GRIA1: variants seen among roughly 807,000 people sequenced by gnomAD.
GRIA1 encodes the protein glutamate ionotropic receptor AMPA type subunit 1, also known as glutamate receptor 1.
In GRIA1, 31 loss-of-function variants were observed where a neutral mutation model predicts 99.2. The observed-to-expected ratio is 0.31, with a 90% confidence interval of 0.23 to 0.42. GRIA1 has a LOEUF of 0.42. Ranked by LOEUF, GRIA1 falls within the 10% of genes least tolerant of loss-of-function variation. The pLI is 1.00. For missense variants in GRIA1, 782 were observed against 1,157.5 expected (o/e 0.68, Z 4.71); for synonymous variants, 438 against 432.4 (o/e 1.01, Z -0.16).
intron 11 of GRIA1, among the ~76,000 whole-genome samples, chr5:153,761,109 G>T (rs1454841161): frequency 6.6e-6 from 1 of 152,086 alleles, no homozygotes; most frequent in Non-Finnish European, 1.5e-5. Flanking sequence ...CATGATAGTG[G>T]TCTGGGCAAG....
At chr5:153,596,818 C>T (rs1394131161) in intron 2 of GRIA1, among the ~76,000 whole-genome samples, 1 of 152,206 alleles carries the variant, frequency 6.6e-6, no homozygotes, top group Non-Finnish European at 1.5e-5. Context: ...GGGGATTCTG[C>T]ACCACTAATC....
intron 2 of GRIA1, among the ~76,000 whole-genome samples, chr5:153,560,892 C>T (rs1035397933): frequency 2.6e-5 from 4 of 152,152 alleles, no homozygotes; most frequent in African/African-American, 7.2e-5. Flanking sequence ...AGACTCCTAC[C>T]TGTATGGAAA....
chr5:153,577,078 A>ATGGATGGATGGG (rs1190405949), intron 2 of GRIA1, among the ~76,000 whole-genome samples: 5 of 104,500 alleles, frequency 4.8e-5, no homozygotes, highest in Admixed American at 1.0e-4. Flanking sequence ...GGATGGATGG[A>ATGGATGGATGGG]TGAGTGGATG....
intron 11 of GRIA1, among the ~76,000 whole-genome samples, chr5:153,739,760 G>A (rs1761648964): frequency 6.6e-6 from 1 of 152,058 alleles, no homozygotes. Flanking sequence ...AACCCAATCA[G>A]TAAGACACAT....
chr5:153,706,501 C>T (rs1375283202), intron 11 of GRIA1, among the ~76,000 whole-genome samples: 2 of 152,120 alleles, frequency 1.3e-5, no homozygotes, highest in East Asian at 1.9e-4. Context: ...AAATGAGGAA[C>T]CACAGAAATG....
chr5:153,704,038 T>G (rs1233981164), intron 10 of GRIA1, among the ~76,000 whole-genome samples: 1 of 152,232 alleles, frequency 6.6e-6, no homozygotes, highest in Non-Finnish European at 1.5e-5. Flanking sequence ...AAAACAGAAT[T>G]GCTATGAAAT....
chr5:153,668,266 T>C lies in GRIA1; in HGVS notation c.700-6234T>C, dbSNP rs530213919. Among the ~76,000 whole-genome samples, 53 of 152,330 alleles carry C rather than the reference T, an allele frequency of 3.5e-4. No individual in the cohort carries two copies. The South Asian group carries it at 0.011, about 31-fold the overall frequency. On this transcript the variant is annotated intron_variant, in intron 5 of 15. Coordinates refer to ENST00000285900, the MANE Select transcript of GRIA1 (RefSeq NM_000827.4). ...GGCCTCAGTTTCCCTATCTGTACAA[T>C]ATGAAGGGTTTGGTCTTCTCTCCAA...
chr5:153,519,030 C>T (rs35333154), intron 2 of GRIA1, among the ~76,000 whole-genome samples: 5,000 of 152,176 alleles, frequency 0.033, 95 homozygotes, highest in Non-Finnish European at 0.046. Flanking sequence ...TTTGGGAGGC[C>T]GAGGTGGGCA....
chr5:153,676,599 T>C (rs1487930217), intron 6 of GRIA1, among the ~76,000 whole-genome samples: 1 of 152,206 alleles, frequency 6.6e-6, no homozygotes, highest in Non-Finnish European at 1.5e-5. Flanking sequence ...ATAAACCAGC[T>C]GATTTTTCAT....
rs952624541 is a variant in GRIA1 at position 153,676,224 on chromosome 5, T to C, written c.862-770T>C. ...AAAAAATTAGAAAAATACCCATTCA[T>C]TCGTTCTTCAATTCTCTATTGTGAA... is the stretch of plus-strand genomic sequence containing the variant. On this transcript the variant is annotated intron_variant, in intron 6 of 15. Transcript: ENST00000285900. Among the ~76,000 whole-genome samples the C allele has an allele frequency of 2.6e-5, 4 of 152,210 alleles. No homozygotes were observed. The South Asian group carries it at 8.3e-4, about 32-fold the overall frequency.
intron 2 of GRIA1, among the ~76,000 whole-genome samples, chr5:153,509,229 C>T (rs1453123336): frequency 6.6e-6 from 1 of 152,080 alleles, no homozygotes. Context: ...ATGGTGGTGG[C>T]TTGGAAAAGG....
At chr5:153,648,922 G>T (rs923914847) in intron 3 of GRIA1, among the ~76,000 whole-genome samples, 5 of 152,030 alleles carry the variant, frequency 3.3e-5, no homozygotes, top group African/African-American at 7.3e-5. Context: ...GAAGGCTGCA[G>T]TTGGGATTAA....
At chr5:153,632,073 G>A (rs1299934950) in intron 2 of GRIA1, among the ~76,000 whole-genome samples, 1 of 152,174 alleles carries the variant, frequency 6.6e-6, no homozygotes, top group Non-Finnish European at 1.5e-5. Context: ...AGCATGAGGG[G>A]CTTGAGGGGA....
At chr5:153,658,762 A>T (rs1561738250) in intron 5 of GRIA1, among the ~76,000 whole-genome samples, 4 of 152,280 alleles carry the variant, frequency 2.6e-5, no homozygotes, top group South Asian at 4.1e-4. Flanking sequence ...GGTTTAACAA[A>T]AGGAGGGAGC....
intron 2 of GRIA1, among the ~76,000 whole-genome samples, chr5:153,510,850 A>G (rs1035242980): frequency 6.6e-6 from 1 of 152,120 alleles, no homozygotes; most frequent in African/African-American, 2.4e-5. Flanking sequence ...TCATTTTTAA[A>G]GTGTTTTAGG....
chr5:153,518,296 G>T (rs1371148637), intron 2 of GRIA1, among the ~76,000 whole-genome samples: 1 of 151,752 alleles, frequency 6.6e-6, no homozygotes, highest in Non-Finnish European at 1.5e-5. Context: ...ATTATCTGAT[G>T]TCTTTTTTTA....
chr5:153,493,910 C>A lies in GRIA1; in HGVS notation c.83-18C>A, dbSNP rs1244102829. On this transcript the variant is annotated intron_variant, in intron 1 of 15. Coordinates refer to ENST00000285900, the MANE Select transcript of GRIA1 (RefSeq NM_000827.4). ...TGTCTCTAGCCCATATACCATGTTG[C>A]ATTTTCTTTTCTCATAGGGGGATTA... The A allele has an allele frequency of 3.1e-6, 5 of 1,613,522 alleles. No homozygotes were observed. The East Asian group carries it at 1.1e-4, about 36-fold the overall frequency.
chr5:153,570,674 C>T (rs983256627), intron 2 of GRIA1, among the ~76,000 whole-genome samples: 5 of 152,182 alleles, frequency 3.3e-5, no homozygotes, highest in South Asian at 2.1e-4. Context: ...TGACCTCTGG[C>T]GCCTTATCTT....
chr5:153,789,771 G>A (rs187505221), intron 13 of GRIA1, among the ~76,000 whole-genome samples: 43 of 152,350 alleles, frequency 2.8e-4, no homozygotes, highest in Non-Finnish European at 5.9e-5. Flanking sequence ...CTGAGGCTTA[G>A]AGAAGTTTAC....
Sources: gnomAD v4.1 joint callset for allele counts (sites outside exome capture counted in the v4.1 genomes callset) on GRCh38, gnomAD v4.1.1 for gene constraint, MANE v1.5 for transcripts, NCBI Gene and HGNC (gene_info 2026-07-23, HGNC 2026-07-21) for gene names.